UBE2T: variants seen among roughly 807,000 people sequenced by gnomAD.
UBE2T encodes ubiquitin-conjugating enzyme E2 T.
UBE2T carries 15 observed loss-of-function variants against 23.3 expected under a neutral mutation model. The observed-to-expected ratio is 0.64, with a 90% CI of 0.43 to 0.99. UBE2T has a LOEUF of 0.99. UBE2T is among the 50% of genes least tolerant of loss of function. The pLI is 0.00. For synonymous variants in UBE2T, 67 were observed against 78.4 expected, an observed-to-expected ratio of 0.85 and a Z score of 0.77; for missense variants, 197 against 234.9, an observed-to-expected ratio of 0.84 and a Z score of 1.05.
At chr1:202,338,393 A>AT (rs1187430132) in intron 1 of UBE2T, among the ~76,000 whole-genome samples, 4 of 151,922 alleles carry the variant, frequency 2.6e-5, no homozygotes, top group East Asian at 1.9e-4. Context: ...GTAATATTGT[A>AT]TTTTTTTAGT....
At chr1:202,338,607 C>T (rs1257305104) in intron 1 of UBE2T, among the ~76,000 whole-genome samples, 11 of 152,182 alleles carry the variant, frequency 7.2e-5, no homozygotes. Flanking sequence ...GGTAATTCCA[C>T]ACTGCCAATC....
chr1:202,332,063 G>T, intron 6 of UBE2T, 103 bp from the exon 7 acceptor site: 1 of 1,438,054 alleles, frequency 7.0e-7, no homozygotes, highest in Non-Finnish European at 9.4e-7. Flanking sequence ...TTTGTTGCAA[G>T]ATTTAAATAC....
chr1:202,339,185 G>C (rs1368081652), intron 1 of UBE2T, among the ~76,000 whole-genome samples: 1 of 148,284 alleles, frequency 6.7e-6, no homozygotes, highest in Non-Finnish European at 1.5e-5. Flanking sequence ...TTCATTTTGA[G>C]AAAATTTTAA....
chr1:202,333,117 G>A, intron 5 of UBE2T, 24 bp from the exon 6 acceptor site: 4 of 1,609,338 alleles, frequency 2.5e-6, no homozygotes, highest in Non-Finnish European at 2.6e-6. Flanking sequence ...AAAGAAAAGA[G>A]TTAATGGAGA....
chr1:202,336,210 C>T (rs919388752), intron 1 of UBE2T, among the ~76,000 whole-genome samples: 2 of 34,332 alleles, frequency 5.8e-5, no homozygotes, highest in African/African-American at 1.1e-4. Flanking sequence ...ATGCACCCAG[C>T]TTTTTTTTTT....
intron 1 of UBE2T, among the ~76,000 whole-genome samples, chr1:202,336,786 A>G (rs1269559760): frequency 2.0e-5 from 3 of 152,106 alleles, no homozygotes; most frequent in African/African-American, 7.2e-5. Flanking sequence ...CCTTCTCCCA[A>G]TCTTCAGGGA....
intron 1 of UBE2T, among the ~76,000 whole-genome samples, chr1:202,341,626 C>T (rs1165042334): frequency 7.3e-5 from 11 of 149,700 alleles, no homozygotes; most frequent in African/African-American, 2.7e-4. Flanking sequence ...GTGCACAACC[C>T]GCAGCAAGTA....
At chr1:202,339,102 A>G (rs1654944528) in intron 1 of UBE2T, among the ~76,000 whole-genome samples, 1 of 130,562 alleles carries the variant, frequency 7.7e-6, no homozygotes, top group Non-Finnish European at 1.6e-5. Flanking sequence ...TTTTTTTTTA[A>G]CATATTGTGG....
At position 202,333,274 on chromosome 1, in the gene UBE2T, G is replaced by A. The variant is rs758840574; in HGVS notation, c.347C>T (p.Ser116Leu). The change falls in exon 5 of 7, where the codon TCA becomes TTA. Residue 116 changes from serine (S) to leucine (L), a missense_variant. Ser to Leu is a moderately radical substitution (Grantham distance 145). Coordinates refer to ENST00000646651, the MANE Select transcript of UBE2T (RefSeq NM_014176.4). ...GAGCGGGTCATCAGGGTTGGGTTCTGACATGAGCAGCTGAATAGAGGTCAA... is the reference window on the plus strand; with the variant it reads ...GAGCGGGTCATCAGGGTTGGGTTCTAACATGAGCAGCTGAATAGAGGTCAA... ...TVLTSIQLLMSEPNPDDPLMA... is the reference protein window; with the variant it reads ...TVLTSIQLLMLEPNPDDPLMA... 5 of 1,614,186 alleles carry A rather than the reference G, an allele frequency of 3.1e-6. No individual in the cohort carries two copies. The South Asian group carries it at 4.4e-5, about 14-fold the overall frequency.
At chr1:202,338,463 C>T (rs1342269224) in intron 1 of UBE2T, among the ~76,000 whole-genome samples, 1 of 152,114 alleles carries the variant, frequency 6.6e-6, no homozygotes, top group East Asian at 1.9e-4. Context: ...TCAGGTAATC[C>T]ACCCATCTCA....
intron 1 of UBE2T, among the ~76,000 whole-genome samples, chr1:202,336,488 A>G (rs1457447430): frequency 8.5e-5 from 13 of 152,188 alleles, no homozygotes; most frequent in Admixed American, 8.5e-4. Flanking sequence ...TTTTAAAATA[A>G]AGAACTAAAA....
intron 1 of UBE2T, among the ~76,000 whole-genome samples, chr1:202,341,577 CAAAAAAAAAAAAAAAA>C (rs57598991): frequency 3.3e-3 from 68 of 20,302 alleles, no homozygotes; most frequent in South Asian, 3.6e-3. Context: ...GACTCCGTCT[CAAAAAAAAAAAAAAAA>C]AAAAAAAAAA....
In UBE2T at chr1:202,331,706, C is replaced by T. The variant is rs1654747366; in HGVS notation, c.*129G>A. On this transcript the variant is annotated 3_prime_UTR_variant, in exon 7 of 7. Transcript: ENST00000646651. The stretch of plus-strand genomic sequence containing the variant: ...TTCAGGTTTAAAAGATTTCAAAATA[C>T]ATATGTACAAGATAAATAAACTACA... 2 of 1,144,712 alleles carry T rather than the reference C, an allele frequency of 1.7e-6. No homozygotes were observed. The highest frequency in any genetic ancestry group is 4.5e-5 in the Admixed American group (2 of 44,124). The allele number at this position is 1,144,712 out of a possible 1,614,324, so 70.9% of individuals were successfully genotyped here.
intron 1 of UBE2T, among the ~76,000 whole-genome samples, chr1:202,339,902 T>C (rs1374735926): frequency 6.6e-6 from 1 of 151,934 alleles, no homozygotes; most frequent in African/African-American, 2.4e-5. Context: ...TGGGAGGACA[T>C]GCAGAGGTTC....
intron 3 of UBE2T, 33 bp downstream of exon 3, chr1:202,334,956 A>T: frequency 6.3e-7 from 1 of 1,592,760 alleles, no homozygotes; most frequent in Non-Finnish European, 8.6e-7. Context: ...AATGCACTTC[A>T]CCATGTAGGT....
At chr1:202,338,089 G>A (rs577095185) in intron 1 of UBE2T, among the ~76,000 whole-genome samples, 1 of 152,034 alleles carries the variant, frequency 6.6e-6, no homozygotes, top group African/African-American at 2.4e-5. Flanking sequence ...CTTTCCAAAG[G>A]TTTTATAATT....
In UBE2T at chr1:202,332,907, C is replaced by CA. The variant is rs56137992; in HGVS notation, c.468+102dup. The CA allele has an allele frequency of 1.2e-3, 187 of 157,630 alleles. 35 individuals carry two copies. Among genetic ancestry groups the CA allele is most frequent in the African/African-American group, 6.9e-3 (91 of 13,228 alleles). 9.8% of individuals were successfully genotyped at this position (157,630 alleles called of 1,614,324 possible). ...TGGGCGACAGAGCGAGACTCCGTCT[C>CA]AAAAAAAAAAAAAAAAAAAAAAAAA... On this transcript the variant is annotated intron_variant, in intron 6 of 6. Coordinates refer to ENST00000646651, the MANE Select transcript of UBE2T (RefSeq NM_014176.4).
Position 202,331,924 on chromosome 1 carries a change from C to G in UBE2T, c.505G>C (p.Ala169Pro). 1 of 1,614,062 alleles carries G rather than the reference C, an allele frequency of 6.2e-7. No homozygotes were observed. Residue 169 changes from alanine to proline, a missense_variant, in exon 7 of 7, where the codon GCT (alanine) becomes CCT (proline). Physicochemically the swap from Ala to Pro is conservative, Grantham distance 27. Coordinates refer to ENST00000646651, the MANE Select transcript of UBE2T (RefSeq NM_014176.4). Reference sequence around the variant, plus strand: ...GAGTTGTGTACTCTGGAGTCACCAGCCTCTGGTAGATTATCAAGCATCTCT... The same window carrying G: ...GAGTTGTGTACTCTGGAGTCACCAGGCTCTGGTAGATTATCAAGCATCTCT... ...EEEMLDNLPEAGDSRVHNSTQ... is the reference protein window; with the variant it reads ...EEEMLDNLPEPGDSRVHNSTQ...
In UBE2T at chr1:202,335,274, G is replaced by C. The variant is rs938019958; in HGVS notation, c.110-216C>G. ...ACAAAGGACATATAGAAAATCTAAAGCAGAAGTTGCAAAATGCTGGCCACA... is the reference window on the plus strand; with the variant it reads ...ACAAAGGACATATAGAAAATCTAAACCAGAAGTTGCAAAATGCTGGCCACA... On this transcript the variant is annotated intron_variant, in intron 2 of 6. Coordinates refer to ENST00000646651, the MANE Select transcript of UBE2T (RefSeq NM_014176.4). This position sits in a 1 kb window ranked among gnomAD's most constrained non-coding sequence, Gnocchi z 4.0. 1 of 563,726 alleles carries C rather than the reference G, an allele frequency of 1.8e-6. No homozygotes were observed. 34.9% of individuals were successfully genotyped at this position (563,726 alleles called of 1,614,324 possible).
Sources: allele counts gnomAD v4.1 joint callset (sites outside exome capture counted in the v4.1 genomes callset), GRCh38; gene constraint gnomAD v4.1.1; non-coding constraint Gnocchi (gnomAD v3.1); transcripts MANE v1.5; gene names NCBI Gene and HGNC (gene_info 2026-07-23, HGNC 2026-07-21).